Variants in DOCK9 observed in about 807,000 individuals in gnomAD.
DOCK9 encodes dedicator of cytokinesis 9.
In DOCK9, 89 loss-of-function variants were observed where a neutral mutation model predicts 263.3. The ratio of observed to expected loss-of-function variants is 0.34; its 90% CI spans 0.28 to 0.40. The LOEUF is 0.40. Among genes scored for constraint, DOCK9 ranks in the 10% least tolerant of loss-of-function variants. The probability of loss-of-function intolerance (pLI) is 1.00; values close to 1 mark genes in which losing one functional copy is unlikely to be tolerated. For synonymous variants in DOCK9, 976 were observed against 973.1 expected (o/e 1.00, Z -0.06); for missense variants, 2,140 against 2,603.4 (o/e 0.82, Z 3.87).
rs2055081801 is a variant in DOCK9 at position 98,937,558 on chromosome 13, T to G, written c.244-7301A>C. On this transcript the variant is annotated intron_variant, in intron 2 of 52. Transcript: ENST00000682017. ...GAAATTCTTAGTTACCTTCAGCAAA[T>G]ATGGACAGGAGTCTTATAGGAAGTT... Among the ~76,000 whole-genome samples the G allele has an allele frequency of 2.6e-5, 4 of 152,006 alleles. No homozygotes were observed. The South Asian group carries it at 8.3e-4, about 31-fold the overall frequency.
intron 31 of DOCK9, 103 bp from the exon 32 acceptor site, chr13:98,863,235 A>T: frequency 6.7e-7 from 1 of 1,484,936 alleles, no homozygotes; most frequent in African/African-American, 1.4e-5. Context: ...ATAAAGACAG[A>T]TATTTGATTT....
At chr13:99,009,651 G>A (rs1460920572) in intron 1 of DOCK9, among the ~76,000 whole-genome samples, 1 of 151,664 alleles carries the variant, frequency 6.6e-6, no homozygotes, top group Admixed American at 6.6e-5. Context: ...CTCTCAGCCA[G>A]CCCCCGAGAT....
chr13:98,879,212 G>A (rs1302435538), intron 27 of DOCK9, among the ~76,000 whole-genome samples: 1 of 152,114 alleles, frequency 6.6e-6, no homozygotes, highest in Admixed American at 6.5e-5. Context: ...ACCTCAGTGG[G>A]CACCAGTCCA....
Position 98,800,190 on chromosome 13 carries a change from G to A in DOCK9, c.5916+98C>T, listed in dbSNP as rs1340954890. ...GGGAGCAGGGATCACTTGGTAAACC[G>A]AGGCTCTCAAGTAGACCTTGTTAGT... On this transcript the variant is annotated intron_variant, in intron 50 of 52. Transcript: ENST00000682017. The A allele has an allele frequency of 4.7e-6, 6 of 1,283,268 alleles. No individual in the cohort carries two copies. The Admixed American group carries it at 7.9e-5, about 17-fold the overall frequency. The allele number at this position is 1,283,268 out of a possible 1,614,324, so 79.5% of individuals were successfully genotyped here.
chr13:99,062,281 A>T (rs1490473980), intron 1 of DOCK9, among the ~76,000 whole-genome samples: 1 of 152,220 alleles, frequency 6.6e-6, no homozygotes, highest in Non-Finnish European at 1.5e-5. Context: ...GTGATTTTAA[A>T]CTTAAAAATA....
At chr13:98,984,575 T>C (rs2141634563) in intron 1 of DOCK9, among the ~76,000 whole-genome samples, 1 of 152,336 alleles carries the variant, frequency 6.6e-6, no homozygotes. Context: ...GTACTATTAG[T>C]GATTCTTTTT....
intron 1 of DOCK9, among the ~76,000 whole-genome samples, chr13:99,063,662 G>A (rs1284104036): frequency 1.3e-5 from 2 of 152,090 alleles, no homozygotes; most frequent in African/African-American, 2.4e-5. Context: ...AGCCACTGGG[G>A]ACCAATACTT....
chr13:98,809,163 G>GA (rs1488999316), intron 47 of DOCK9, 189 bp downstream of exon 47: 1 of 1,510,300 alleles, frequency 6.6e-7, no homozygotes, highest in African/African-American at 1.4e-5. Flanking sequence ...CAGGAAGAAA[G>GA]AAAAAAAGCA....
At position 98,920,998 on chromosome 13, in the gene DOCK9, G is replaced by A. The variant is rs1441967365; in HGVS notation, c.673C>T (p.Pro225Ser). 6.2e-7 allele frequency: 1 copy of A among 1,606,818 alleles called. No homozygotes were observed. Among genetic ancestry groups the A allele is most frequent in the Non-Finnish European group, 8.5e-7 (1 of 1,176,194 alleles). The change falls in exon 7 of 53, where the codon CCA becomes TCA. Residue 225 changes from proline (P) to serine (S), a missense_variant. Transcript: ENST00000682017. Reference protein sequence around the residue: ...FYKDEKISKEPKGSIFLDSCM... With the variant: ...FYKDEKISKESKGSIFLDSCM... The stretch of plus-strand genomic sequence containing the variant: ...GAATCCAGAAATATTGATCCTTTTG[G>A]TTCTTTGGAGATCTTTTCATCTTTA...
chr13:98,840,286 A>C (rs2141201517), intron 38 of DOCK9, among the ~76,000 whole-genome samples: 1 of 152,306 alleles, frequency 6.6e-6, no homozygotes, highest in South Asian at 2.1e-4. Flanking sequence ...GTGCGGTGTG[A>C]AGCACACTGA....
rs762621711 is a variant in DOCK9, at chr13:98,885,840, G to A, written c.2137-9C>T. On this transcript the variant is annotated splice_polypyrimidine_tract_variant and intron_variant, in intron 19 of 52. Coordinates refer to ENST00000682017, the MANE Select transcript of DOCK9 (RefSeq NM_001366683.2). Reference sequence around the variant, plus strand: ...GGCAACTCTATTTTAATCTGCAAGGGAAGACAAAATAACAACAAAATATTC... The same window carrying A: ...GGCAACTCTATTTTAATCTGCAAGGAAAGACAAAATAACAACAAAATATTC... 6 of 1,594,632 alleles carry A rather than the reference G, an allele frequency of 3.8e-6. No individual in the cohort carries two copies. Among genetic ancestry groups the A allele is most frequent in the Admixed American group, 1.8e-5 (1 of 54,686 alleles).
intron 1 of DOCK9, among the ~76,000 whole-genome samples, chr13:99,043,266 GA>G (rs1274842516): frequency 6.6e-6 from 1 of 152,230 alleles, no homozygotes; most frequent in Non-Finnish European, 1.5e-5. Flanking sequence ...AGAAACTGGG[GA>G]AGATATCATC....
At chr13:98,831,849 T>C in intron 39 of DOCK9, 63 bp from the exon 40 acceptor site, 3 of 1,558,658 alleles carry the variant, frequency 1.9e-6, no homozygotes, top group Non-Finnish European at 2.6e-6. Context: ...TTTCACACAA[T>C]TTCAGGCTCA....
In DOCK9 at chr13:98,860,819, G is replaced by T. The variant is rs6491458; in HGVS notation, c.3580-297C>A. On this transcript the variant is annotated intron_variant, in intron 32 of 52. Transcript: ENST00000682017. The stretch of plus-strand genomic sequence containing the variant: ...TAACACCTTTCCCTTTCCAGAGCTC[G>T]GACGCCCAACATTTCCTTAGATTAT... 9.2e-5 allele frequency among the ~76,000 whole-genome samples: 14 copies of T among 152,166 alleles called. 1 individual carries two copies. In the South Asian group the frequency reaches 1.0e-3, roughly 11 times the overall value.
chr13:98,935,133 A>C (rs1171420794), intron 2 of DOCK9, among the ~76,000 whole-genome samples: 1 of 152,230 alleles, frequency 6.6e-6, no homozygotes, highest in Non-Finnish European at 1.5e-5. Context: ...ACACTGAGGG[A>C]AAGCTAAAAT....
intron 1 of DOCK9, among the ~76,000 whole-genome samples, chr13:98,962,633 G>GT (rs34564280): frequency 0.097 from 14,132 of 145,164 alleles, 729 homozygotes; most frequent in Middle Eastern, 0.16. Flanking sequence ...TGCATGATAG[G>GT]TTTTAAAAAA....
intron 1 of DOCK9, among the ~76,000 whole-genome samples, chr13:99,052,535 C>T (rs2040742778): frequency 6.6e-6 from 1 of 152,152 alleles, no homozygotes; most frequent in Non-Finnish European, 1.5e-5. Flanking sequence ...AGCATTTTTC[C>T]ATATACCTGT....
chr13:98,848,564 C>T lies in DOCK9; in HGVS notation c.4061+28G>A, dbSNP rs190537402. 207 of 1,603,828 alleles carry T rather than the reference C, an allele frequency of 1.3e-4. 1 individual carries two copies. The highest frequency in any genetic ancestry group is 1.6e-4 in the East Asian group (7 of 44,552). On this transcript the variant is annotated intron_variant, in intron 37 of 52. Coordinates refer to ENST00000682017, the MANE Select transcript of DOCK9 (RefSeq NM_001366683.2). The stretch of plus-strand genomic sequence containing the variant: ...GAGCCAGGCATCACAGAAAACAACA[C>T]GTTTCGAATGAAAACGCCCCACAGT...
intron 1 of DOCK9, among the ~76,000 whole-genome samples, chr13:99,069,089 A>G (rs78081719): frequency 3.3e-5 from 5 of 152,330 alleles, no homozygotes; most frequent in Non-Finnish European, 7.4e-5. Context: ...AATGACCTAG[A>G]TTAACAGAGC....
Sources: gnomAD v4.1 joint callset for allele counts (sites outside exome capture counted in the v4.1 genomes callset) on GRCh38, gnomAD v4.1.1 for gene constraint, MANE v1.5 for transcripts, NCBI Gene and HGNC (gene_info 2026-07-23, HGNC 2026-07-21) for gene names.